ABCB4: variants seen among roughly 807,000 people sequenced by gnomAD.
The protein encoded by ABCB4 is ATP binding cassette subfamily B member 4.
In ABCB4, 76 loss-of-function variants were observed where a neutral mutation model predicts 145.7. The observed-to-expected ratio is 0.52, with a 90% CI of 0.43 to 0.63. ABCB4 has a LOEUF of 0.63. Among genes scored for constraint, ABCB4 ranks in the 30% least tolerant of loss-of-function variants. The pLI is 0.00. For synonymous variants in ABCB4, 517 were observed against 566.8 expected (o/e 0.91, Z 1.25); for missense variants, 1,234 against 1,553.1 (o/e 0.79, Z 3.45).
At chr7:87,384,486 C>T in the ABCB4 span, among the ~76,000 whole-genome samples, 3 of 152,312 alleles carry the variant, frequency 2.0e-5, no homozygotes, top group South Asian at 2.1e-4. Context: ...GAGCTGAGAT[C>T]GTGCCACTGC....
chr7:87,366,277 G>A, the ABCB4 span, among the ~76,000 whole-genome samples: 2 of 151,870 alleles, frequency 1.3e-5, no homozygotes, highest in African/African-American at 4.8e-5. Flanking sequence ...TACAGGGCCT[G>A]TGGGAGGTGT....
chr7:87,385,549 C>T, the ABCB4 span, among the ~76,000 whole-genome samples: 1 of 152,080 alleles, frequency 6.6e-6, no homozygotes, highest in Admixed American at 6.6e-5. Flanking sequence ...TTATATCTTG[C>T]AACTTTACTG....
chr7:87,370,689 T>C, the ABCB4 span, among the ~76,000 whole-genome samples: 1 of 152,208 alleles, frequency 6.6e-6, no homozygotes, highest in Non-Finnish European at 1.5e-5. Flanking sequence ...ACTCCAAAGA[T>C]TCCCGTCATC....
intron 2 of ABCB4, 56 bp from the exon 3 acceptor site, chr7:87,472,731 A>G (rs1584802826): frequency 9.8e-6 from 12 of 1,223,056 alleles, no homozygotes; most frequent in East Asian, 7.0e-5. Flanking sequence ...TTTACAATCA[A>G]TTGAACATAA....
At position 87,406,489 on chromosome 7, in the gene ABCB4, G is replaced by A. The variant is rs561612231; in HGVS notation, c.3285C>T (p.Leu1095=). ...TGAGTTTCTTTGCTTCTTGACCATCGAGAAGCTGAAAACCAAAGTCCACAA... is the reference window on the plus strand; with the variant it reads ...TGAGTTTCTTTGCTTCTTGACCATCAAGAAGCTGAAAACCAAAGTCCACAA... ...FYDPLAGTVL[L]DGQEAKKLNV... is the part of the protein sequence containing the mutation. The change falls in exon 26 of 28, where the codon CTC becomes CTT. Residue 1095 remains leucine (L), a synonymous_variant. Transcript: ENST00000649586. The A allele has an allele frequency of 3.4e-5, 55 of 1,613,538 alleles. No individual in the cohort carries two copies. The highest frequency in any genetic ancestry group is 2.2e-5 in the South Asian group (2 of 91,020).
At chr7:87,382,164 G>C in the ABCB4 span, 10 of 1,610,662 alleles carry the variant, frequency 6.2e-6, no homozygotes, top group East Asian at 2.0e-4. Flanking sequence ...CCAAGCTAAA[G>C]CCCAGTATCT....
chr7:87,372,330 C>T, the ABCB4 span, among the ~76,000 whole-genome samples: 2 of 152,134 alleles, frequency 1.3e-5, no homozygotes, highest in African/African-American at 4.8e-5. Flanking sequence ...TTGATTTAGG[C>T]AAATTTATCT....
At chr7:87,378,327 C>CAGACTGAG in the ABCB4 span, among the ~76,000 whole-genome samples, 1 of 124,568 alleles carries the variant, frequency 8.0e-6, no homozygotes, top group East Asian at 2.3e-4. Flanking sequence ...GCCTGGGAAA[C>CAGACTGAG]AGACTGAGAC....
At chr7:87,377,396 C>G in the ABCB4 span, 1 of 1,611,524 alleles carries the variant, frequency 6.2e-7, no homozygotes, top group Non-Finnish European at 8.5e-7. Flanking sequence ...GCTGGGGTGA[C>G]AAATCCTATA....
At chr7:87,450,203 A>T in intron 7 of ABCB4, 111 bp from the exon 8 acceptor site, 1 of 1,431,732 alleles carries the variant, frequency 7.0e-7, no homozygotes, top group South Asian at 1.2e-5. Context: ...TTTAACAAAT[A>T]TTAAAGTCAT....
At position 87,472,653 on chromosome 7, in the gene ABCB4, T is replaced by TC; in HGVS notation, c.102dup (p.Lys35GlufsTer20). ...AATACTCCAATCATTTTCACTGTCT[T>TC]CGTTTTTTTCCTTTTTTGTTTGCTG... On this transcript the variant is annotated frameshift_variant, in exon 3 of 28. Transcript: ENST00000649586. LOFTEE classifies it high-confidence loss of function. 6.2e-7 allele frequency: 1 copy of TC among 1,609,526 alleles called. No individual in the cohort carries two copies. The highest frequency in any genetic ancestry group is 8.5e-7 in the Non-Finnish European group (1 of 1,175,966).
the ABCB4 span, among the ~76,000 whole-genome samples, chr7:87,381,572 G>A: frequency 0.86 from 131,629 of 152,190 alleles, 57,105 homozygotes; most frequent in Middle Eastern, 0.94. Context: ...GAACATCTTC[G>A]TGTTGCATAT....
intron 26 of ABCB4, among the ~76,000 whole-genome samples, chr7:87,405,714 C>T (rs1020058022): frequency 3.9e-5 from 6 of 152,102 alleles, no homozygotes; most frequent in South Asian, 4.1e-4. Context: ...TGTGAGCCAC[C>T]GTGCCTGGCC....
chr7:87,383,657 T>C, the ABCB4 span, among the ~76,000 whole-genome samples: 1 of 151,914 alleles, frequency 6.6e-6, no homozygotes, highest in Non-Finnish European at 1.5e-5. Context: ...CCACCATGCC[T>C]GGCTAATTTT....
chr7:87,453,270 G>A (rs1169539954), intron 5 of ABCB4, 135 bp from the exon 6 acceptor site: 29 of 791,728 alleles, frequency 3.7e-5, no homozygotes, highest in South Asian at 3.3e-4. Context: ...TGCAACCTCC[G>A]CCTCCTGGAT....
At position 87,475,424 on chromosome 7, in the gene ABCB4, G is replaced by A. The variant is rs1277128004; in HGVS notation, c.42C>T (p.Pro14=). The change falls in exon 2 of 28, where the codon CCC becomes CCT. Residue 14 remains proline (P), a synonymous_variant. Transcript: ENST00000649586. Reference sequence around the variant, plus strand: ...GTTCAAAGTCGCCCTCCGCGCTCGTGGGGCGCCAGGCTGTTCCGTTCTTTG... The same window carrying A: ...GTTCAAAGTCGCCCTCCGCGCTCGTAGGGCGCCAGGCTGTTCCGTTCTTTG... ...EAAKNGTAWR[P]TSAEGDFELG... 1 of 1,614,102 alleles carries A rather than the reference G, an allele frequency of 6.2e-7. No individual in the cohort carries two copies. Among genetic ancestry groups the A allele is most frequent in the Non-Finnish European group, 8.5e-7 (1 of 1,180,050 alleles).
In ABCB4 at chr7:87,411,874, T is replaced by C. The variant is rs766779358; in HGVS notation, c.2924+19A>G. On this transcript the variant is annotated intron_variant, in intron 23 of 27. Transcript: ENST00000649586. ...AAACCTTATTATAGAATAATCTTAATATTTCTAAAGCTACTTACAGAATAA... is the reference window on the plus strand; with the variant it reads ...AAACCTTATTATAGAATAATCTTAACATTTCTAAAGCTACTTACAGAATAA... 1.2e-6 allele frequency: 2 copies of C among 1,610,012 alleles called. No homozygotes were observed. The highest frequency in any genetic ancestry group is 2.2e-5 in the South Asian group (2 of 90,882).
chr7:87,469,300 T>C (rs1236124975), intron 3 of ABCB4, among the ~76,000 whole-genome samples: 8 of 152,320 alleles, frequency 5.3e-5, no homozygotes, highest in Admixed American at 1.3e-4. Context: ...GCATTCCCTT[T>C]GAAAATTGGC....
At chr7:87,448,470 C>T (rs1811491447) in intron 8 of ABCB4, among the ~76,000 whole-genome samples, 1 of 152,206 alleles carries the variant, frequency 6.6e-6, no homozygotes, top group South Asian at 2.1e-4. Flanking sequence ...AGCACAGCTG[C>T]ATCTCTGGGG....
Sources: allele counts gnomAD v4.1 joint callset (sites outside exome capture counted in the v4.1 genomes callset), GRCh38; gene constraint gnomAD v4.1.1; transcripts MANE v1.5; gene names NCBI Gene and HGNC (gene_info 2026-07-23, HGNC 2026-07-21).